Variants in PARD3 observed in about 807,000 individuals in gnomAD.
PARD3 encodes the protein partitioning defective 3 homolog.
Under a neutral mutation model 155.4 loss-of-function variants are expected in PARD3, and 75 were observed. The ratio of observed to expected loss-of-function variants is 0.48; its 90% CI spans 0.40 to 0.58. The LOEUF is 0.58. Ranked by LOEUF, PARD3 falls within the 20% of genes least tolerant of loss-of-function variation. The pLI, the probability that PARD3 is intolerant of heterozygous loss-of-function variation, is 0.00. For missense variants in PARD3, 1,642 were observed against 1,721.7 expected (o/e 0.95, Z 0.82); for synonymous variants, 576 against 610.5 (o/e 0.94, Z 0.83).
At chr10:34,384,032 A>G (rs1218643828) in intron 8 of PARD3, 97 bp downstream of exon 8, 1 of 1,239,854 alleles carries the variant, frequency 8.1e-7, no homozygotes, top group African/African-American at 1.5e-5. Context: ...TCCAGTATAC[A>G]GACTGAGATC....
chr10:34,744,686 C>T (rs1835085235), intron 1 of PARD3, among the ~76,000 whole-genome samples: 1 of 152,172 alleles, frequency 6.6e-6, no homozygotes, highest in African/African-American at 2.4e-5. Flanking sequence ...TTGCCTCTGA[C>T]ACAAAATTTA....
chr10:34,250,331 T>C (rs1264628359), intron 22 of PARD3, among the ~76,000 whole-genome samples: 1 of 152,236 alleles, frequency 6.6e-6, no homozygotes, highest in Non-Finnish European at 1.5e-5. Flanking sequence ...AAATTATGTC[T>C]GCAGTCATAA....
rs1301619373 is a variant in PARD3 at position 34,769,592 on chromosome 10, T to TA, written c.120+45283dup. Among the ~76,000 whole-genome samples the TA allele has an allele frequency of 2.0e-5, 3 of 151,380 alleles. No homozygotes were observed. In the East Asian group the frequency reaches 5.8e-4, roughly 29 times the overall value. On this transcript the variant is annotated intron_variant, in intron 1 of 24. Coordinates refer to ENST00000374788, the MANE Select transcript of PARD3 (RefSeq NM_001184785.2). ...GCAACACGGCAAAAACCTGTCTCCA[T>TA]AAAAAATACAAAAATTAGCCTGGCA...
intron 2 of PARD3, among the ~76,000 whole-genome samples, chr10:34,633,142 T>C (rs1777038603): frequency 6.6e-6 from 1 of 152,156 alleles, no homozygotes; most frequent in African/African-American, 2.4e-5. Context: ...AACATTTCCA[T>C]CCCCTCAAAT....
chr10:34,676,336 G>C (rs79351095), intron 2 of PARD3, among the ~76,000 whole-genome samples: 2,854 of 152,248 alleles, frequency 0.019, 92 homozygotes, highest in African/African-American at 0.065. Flanking sequence ...ACGCTCTGAA[G>C]AGAGGATGGT....
intron 5 of PARD3, among the ~76,000 whole-genome samples, chr10:34,428,673 C>T (rs1347818364): frequency 6.6e-6 from 1 of 152,084 alleles, no homozygotes; most frequent in African/African-American, 2.4e-5. Flanking sequence ...GGTTAGAGCC[C>T]TGCCAATGGG....
chr10:34,152,110 T>C (rs1449817341), intron 22 of PARD3, among the ~76,000 whole-genome samples: 1 of 152,144 alleles, frequency 6.6e-6, no homozygotes, highest in Admixed American at 6.5e-5. Flanking sequence ...GTTGAACCCT[T>C]TAATTTTACC....
intron 1 of PARD3, among the ~76,000 whole-genome samples, chr10:34,760,778 A>ACTCCTGT (rs1837347662): frequency 6.6e-6 from 1 of 152,164 alleles, no homozygotes; most frequent in Admixed American, 6.5e-5. Context: ...CCTCCTGTCA[A>ACTCCTGT]CAACCACCTG....
chr10:34,680,983 A>AT (rs1385965219), intron 2 of PARD3, among the ~76,000 whole-genome samples: 2 of 148,264 alleles, frequency 1.3e-5, no homozygotes, highest in Non-Finnish European at 3.0e-5. Context: ...TTAAAGTATA[A>AT]TAAAAAAAAA....
chr10:34,709,556 A>G (rs1249226312), intron 1 of PARD3, among the ~76,000 whole-genome samples: 2 of 152,138 alleles, frequency 1.3e-5, no homozygotes, highest in Admixed American at 6.5e-5. Flanking sequence ...ATGGTGGTGG[A>G]GGCGGGGGCC....
chr10:34,386,332 T>C (rs1384091292), intron 7 of PARD3, among the ~76,000 whole-genome samples: 1 of 152,200 alleles, frequency 6.6e-6, no homozygotes, highest in Non-Finnish European at 1.5e-5. Flanking sequence ...AACTCAAAGG[T>C]AAGAATAAAG....
intron 22 of PARD3, among the ~76,000 whole-genome samples, chr10:34,151,599 G>A (rs934178878): frequency 6.6e-6 from 1 of 152,094 alleles, no homozygotes; most frequent in Non-Finnish European, 1.5e-5. Context: ...ATCCATAAAC[G>A]ACACATTGTT....
chr10:34,389,239 TAAAA>T lies in PARD3; in HGVS notation c.891-4989_891-4986del, dbSNP rs57615675. 2.3e-3 allele frequency among the ~76,000 whole-genome samples: 151 copies of T among 65,846 alleles called. 1 individual carries two copies. Among genetic ancestry groups the T allele is most frequent in the African/African-American group, 9.3e-3 (128 of 13,796 alleles). 43.2% of individuals were successfully genotyped at this position (65,846 alleles called of 152,430 possible). On this transcript the variant is annotated intron_variant, in intron 7 of 24. Coordinates refer to ENST00000374788, the MANE Select transcript of PARD3 (RefSeq NM_001184785.2). Reference sequence around the variant, plus strand: ...GACTTCGTTTTTGAACAATGTTTCTTAAAAAAAAAAAAAAAAAAAAAAAAAAGAC... The same window carrying T: ...GACTTCGTTTTTGAACAATGTTTCTTAAAAAAAAAAAAAAAAAAAAAAGAC...
At chr10:34,591,322 TTC>T (rs932897395) in intron 2 of PARD3, among the ~76,000 whole-genome samples, 2 of 152,274 alleles carry the variant, frequency 1.3e-5, no homozygotes. Context: ...AATATGGTCT[TTC>T]TGTTTTTCTA....
intron 2 of PARD3, among the ~76,000 whole-genome samples, chr10:34,685,314 T>C (rs748210017): frequency 1.1e-4 from 16 of 152,180 alleles, no homozygotes; most frequent in Non-Finnish European, 2.1e-4. Flanking sequence ...CTTTAAAATG[T>C]ATATTTCCCC....
chr10:34,574,327 T>C (rs2086716053), intron 2 of PARD3, among the ~76,000 whole-genome samples: 1 of 152,220 alleles, frequency 6.6e-6, no homozygotes, highest in African/African-American at 2.4e-5. Context: ...ACAGTTTCAC[T>C]GACAGACATA....
chr10:34,166,223 T>A (rs1215800664), intron 22 of PARD3, among the ~76,000 whole-genome samples: 1 of 152,172 alleles, frequency 6.6e-6, no homozygotes, highest in Non-Finnish European at 1.5e-5. Flanking sequence ...CTATGCTTTC[T>A]TAAGTCTTGA....
At chr10:34,215,654 T>C (rs1024603260) in intron 22 of PARD3, among the ~76,000 whole-genome samples, 3 of 152,216 alleles carry the variant, frequency 2.0e-5, no homozygotes, top group Admixed American at 6.5e-5. Flanking sequence ...CAGAAGTACA[T>C]AAACATAGGC....
intron 1 of PARD3, among the ~76,000 whole-genome samples, chr10:34,738,391 G>A (rs1474892394): frequency 1.5e-4 from 23 of 152,172 alleles, no homozygotes; most frequent in Non-Finnish European, 1.5e-5. Flanking sequence ...TGCCCAGGCT[G>A]GTCTGGAACT....
Sources: gnomAD v4.1 joint callset for allele counts (sites outside exome capture counted in the v4.1 genomes callset) on GRCh38, gnomAD v4.1.1 for gene constraint, MANE v1.5 for transcripts, NCBI Gene and HGNC (gene_info 2026-07-23, HGNC 2026-07-21) for gene names.